The following PLAC8 variants were observed in gnomAD, a reference collection of about 807,000 sequenced individuals.
PLAC8 encodes the protein placenta-specific gene 8 protein.
A neutral mutation model predicts 12.6 loss-of-function variants in PLAC8; 6 were observed. The observed-to-expected ratio is 0.48, with a 90% CI of 0.26 to 0.94. PLAC8 has a LOEUF of 0.94. Among genes scored for constraint, PLAC8 ranks in the 40% least tolerant of loss-of-function variants. The pLI is 0.14. For missense variants in PLAC8, 122 were observed against 152.7 expected (o/e 0.80, Z 1.06); for synonymous variants, 54 against 52.6 (o/e 1.03, Z -0.11).
Position 83,107,949 on chromosome 4 carries a change from G to C in PLAC8, c.-28C>G. 2.0e-6 allele frequency: 2 copies of C among 1,020,108 alleles called. No homozygotes were observed. Among genetic ancestry groups the C allele is most frequent in the Non-Finnish European group, 2.7e-6 (2 of 742,074 alleles). 63.2% of individuals were successfully genotyped at this position (1,020,108 alleles called of 1,614,324 possible). A position where few individuals can be genotyped will look rare whatever the true frequency, so the allele number is the denominator to read the frequency against. On this transcript the variant is annotated splice_region_variant and 5_prime_UTR_variant, in exon 2 of 5. Transcript: ENST00000311507. ...TCAGTGCAGGGCCTTAAAAGCAGTG[G>C]ACTGAAAAGGCAGAGTGGTGTTAGA...
chr4:83,098,770 C>T lies in PLAC8; in HGVS notation c.244-3979G>A, dbSNP rs148016538. Among the ~76,000 whole-genome samples, 823 of 151,226 alleles carry T rather than the reference C, an allele frequency of 5.4e-3. 6 individuals are homozygous for T. The highest frequency in any genetic ancestry group is 0.018 in the African/African-American group (760 of 41,218). On this transcript the variant is annotated intron_variant, in intron 3 of 4. Coordinates refer to ENST00000311507, the MANE Select transcript of PLAC8 (RefSeq NM_016619.3). ...TTTTAATTTTTTTGAGTTATTTTTGCCAAATGAATGACTTATGGTGACTTG... is the reference window on the plus strand; with the variant it reads ...TTTTAATTTTTTTGAGTTATTTTTGTCAAATGAATGACTTATGGTGACTTG...
At chr4:83,111,388 C>G (rs1242818721) in intron 1 of PLAC8, among the ~76,000 whole-genome samples, 3 of 151,874 alleles carry the variant, frequency 2.0e-5, no homozygotes, top group African/African-American at 7.3e-5. Flanking sequence ...CATACCAGGC[C>G]AGGCACGGTG....
At chr4:83,103,056 A>C (rs1732145132) in intron 3 of PLAC8, among the ~76,000 whole-genome samples, 1 of 147,702 alleles carries the variant, frequency 6.8e-6, no homozygotes, top group Non-Finnish European at 1.5e-5. Flanking sequence ...ACTGCACTCC[A>C]GCCTGGGTGA....
At chr4:83,095,436 A>G (rs556314488) in intron 3 of PLAC8, among the ~76,000 whole-genome samples, 6 of 152,376 alleles carry the variant, frequency 3.9e-5, no homozygotes, top group African/African-American at 1.2e-4. Context: ...ATAATTACCA[A>G]TACCAGGAAA....
intron 4 of PLAC8, chr4:83,094,418 G>A (rs1397609720): frequency 3.3e-6 from 1 of 300,768 alleles, no homozygotes; most frequent in African/African-American, 2.2e-5. Context: ...AGTGGTAAGT[G>A]CTTCCTTAAT....
In PLAC8 at chr4:83,107,876, C is replaced by A. The variant is rs1270164374; in HGVS notation, c.46G>T (p.Gly16Cys). ...GAGTTCTGGGGGGCCGGACCGGGAC[C>A]GACTCCAGGTTGGGTCACAACGACC... Reference protein sequence around the residue: ...PVVVVTQPGVGPGPAPQNSNW... With the variant: ...PVVVVTQPGVCPGPAPQNSNW... Residue 16 changes from glycine to cysteine, a missense_variant, in exon 2 of 5, where the codon GGT becomes TGT. Coordinates refer to ENST00000311507, the MANE Select transcript of PLAC8 (RefSeq NM_016619.3). The A allele has an allele frequency of 1.3e-6, 2 of 1,597,598 alleles. No individual in the cohort carries two copies. The highest frequency in any genetic ancestry group is 1.7e-6 in the Non-Finnish European group (2 of 1,170,894).
chr4:83,108,525 T>TG (rs1732317789), intron 1 of PLAC8, among the ~76,000 whole-genome samples: 1 of 152,060 alleles, frequency 6.6e-6, no homozygotes, highest in South Asian at 2.1e-4. Flanking sequence ...ACCGGGAAGG[T>TG]GGAGGTTGCA....
At chr4:83,095,237 A>G in intron 3 of PLAC8, among the ~76,000 whole-genome samples, 1 of 152,192 alleles carries the variant, frequency 6.6e-6, no homozygotes. Flanking sequence ...CCAGGATGAG[A>G]GCTAAGCACT....
intron 4 of PLAC8, among the ~76,000 whole-genome samples, chr4:83,092,690 C>G (rs940647970): frequency 9.9e-5 from 15 of 152,108 alleles, no homozygotes; most frequent in Non-Finnish European, 1.3e-4. Flanking sequence ...TCTACTTATG[C>G]CATATGTTCT....
chr4:83,107,878 A>T lies in PLAC8; in HGVS notation c.44T>A (p.Val15Asp). ...GTTCTGGGGGGCCGGACCGGGACCG[A>T]CTCCAGGTTGGGTCACAACGACCAC... ...APVVVVTQPG[V>D]GPGPAPQNSN... The change falls in exon 2 of 5, where the codon GTC (valine) becomes GAC (aspartate). Residue 15 changes from valine (V) to aspartate (D), a missense_variant. By Grantham distance (152) the Val-to-Asp change is radical. Coordinates refer to ENST00000311507, the MANE Select transcript of PLAC8 (RefSeq NM_016619.3). 24 of 1,583,468 alleles carry T rather than the reference A, an allele frequency of 1.5e-5. No homozygotes were observed. The highest frequency in any genetic ancestry group is 1.9e-5 in the Non-Finnish European group (22 of 1,162,184).
At position 83,108,798 on chromosome 4, in the gene PLAC8, A is replaced by T. The variant is rs543632688; in HGVS notation, c.-29-848T>A. On this transcript the variant is annotated intron_variant, in intron 1 of 4. Coordinates refer to ENST00000311507, the MANE Select transcript of PLAC8 (RefSeq NM_016619.3). ...ATTATAGAAAATAGCATTCTCTAAAATGGCATCATCCTAAACTTTTGTGTA... is the reference window on the plus strand; with the variant it reads ...ATTATAGAAAATAGCATTCTCTAAATTGGCATCATCCTAAACTTTTGTGTA... Among the ~76,000 whole-genome samples, 15 of 152,344 alleles carry T rather than the reference A, an allele frequency of 9.8e-5. No individual in the cohort carries two copies. In the South Asian group the frequency reaches 3.1e-3, roughly 32 times the overall value.
intron 2 of PLAC8, among the ~76,000 whole-genome samples, chr4:83,107,101 G>A (rs1403601991): frequency 6.6e-6 from 1 of 151,866 alleles, no homozygotes; most frequent in Non-Finnish European, 1.5e-5. Flanking sequence ...TCAGGAGGCT[G>A]AGGCAGGAGA....
chr4:83,099,036 T>G (rs763500903), intron 3 of PLAC8, among the ~76,000 whole-genome samples: 19 of 152,214 alleles, frequency 1.2e-4, no homozygotes, highest in Non-Finnish European at 2.5e-4. Flanking sequence ...TATATAAAAC[T>G]GCTATAATTC....
rs140026318 is a variant in PLAC8 at position 83,097,121 on chromosome 4, C to T, written c.244-2330G>A. ...GTCCTAGAAACGCATGCTGTCCCAG[C>T]TCTATTCCTCCAAGAGCTCCACCCT... On this transcript the variant is annotated intron_variant, in intron 3 of 4. Transcript: ENST00000311507. 1.1e-4 allele frequency among the ~76,000 whole-genome samples: 17 copies of T among 152,252 alleles called. No individual in the cohort carries two copies. In the East Asian group the frequency reaches 3.1e-3, roughly 28 times the overall value.
Position 83,112,218 on chromosome 4 carries a change from G to T in PLAC8, c.-30+2448C>A, listed in dbSNP as rs62302660. Reference sequence around the variant, plus strand: ...TATATATATATGTATATATATATATGTATATATATATATATATATGTATCA... The same window carrying T: ...TATATATATATGTATATATATATATTTATATATATATATATATATGTATCA... On this transcript the variant is annotated intron_variant, in intron 1 of 4. Coordinates refer to ENST00000311507, the MANE Select transcript of PLAC8 (RefSeq NM_016619.3). Among the ~76,000 whole-genome samples the T allele has an allele frequency of 1.3e-3, 12 of 9,202 alleles. No individual in the cohort carries two copies. The Admixed American group carries it at 0.013, about 10-fold the overall frequency. 6.0% of individuals were successfully genotyped at this position (9,202 alleles called of 152,430 possible).
chr4:83,092,071 CTGTT>C (rs1731818884), intron 4 of PLAC8, among the ~76,000 whole-genome samples: 1 of 152,058 alleles, frequency 6.6e-6, no homozygotes, highest in Non-Finnish European at 1.5e-5. Context: ...ATTTCGATAT[CTGTT>C]TGTCTAAAGT....
intron 3 of PLAC8, among the ~76,000 whole-genome samples, chr4:83,096,389 T>A (rs1460282710): frequency 3.2e-5 from 3 of 92,718 alleles, no homozygotes; most frequent in Non-Finnish European, 6.5e-5. Flanking sequence ...TAAAAATATT[T>A]ATCATTTTGT....
At chr4:83,101,304 C>T (rs1024388433) in intron 3 of PLAC8, among the ~76,000 whole-genome samples, 7 of 152,176 alleles carry the variant, frequency 4.6e-5, no homozygotes, top group Non-Finnish European at 7.3e-5. Context: ...CGCTTGAACC[C>T]GGGAGGCAGA....
intron 2 of PLAC8, 53 bp downstream of exon 2, chr4:83,107,751 A>G (rs1732293581): frequency 2.0e-6 from 2 of 1,011,884 alleles, no homozygotes; most frequent in African/African-American, 3.3e-5. Flanking sequence ...GGATTGAGTC[A>G]TTGGTAATTC....
Sources: allele counts gnomAD v4.1 joint callset (sites outside exome capture counted in the v4.1 genomes callset), GRCh38; gene constraint gnomAD v4.1.1; transcripts MANE v1.5; gene names NCBI Gene and HGNC (gene_info 2026-07-23, HGNC 2026-07-21).